Variants in SARDH observed in about 807,000 individuals in gnomAD.
SARDH encodes the protein sarcosine dehydrogenase, mitochondrial.
SARDH carries 95 observed loss-of-function variants against 109.1 expected under a neutral mutation model. The ratio of observed to expected loss-of-function variants is 0.87; its 90% CI spans 0.74 to 1.03. SARDH has a LOEUF of 1.03. Ranked by LOEUF, SARDH falls within the 50% of genes least tolerant of loss-of-function variation. SARDH has a pLI of 0.00. For missense variants in SARDH, 1,267 were observed against 1,287.8 expected, an observed-to-expected ratio of 0.98 and a Z score of 0.25; for synonymous variants, 572 against 534.8, an observed-to-expected ratio of 1.07 and a Z score of -0.96.
At chr9:133,697,600 T>C (rs977334066) in intron 13 of SARDH, among the ~76,000 whole-genome samples, 5 of 152,246 alleles carry the variant, frequency 3.3e-5, no homozygotes, top group African/African-American at 1.2e-4. Flanking sequence ...ATCCCAGGAA[T>C]ATGAGGTTGG....
At chr9:133,673,898 G>A (rs549670169) in intron 17 of SARDH, among the ~76,000 whole-genome samples, 1 of 152,324 alleles carries the variant, frequency 6.6e-6, no homozygotes, top group East Asian at 1.9e-4. Context: ...CGGGTGGAAG[G>A]GAGGGAGCAG....
chr9:133,673,047 C>T (rs1446151514), intron 17 of SARDH, among the ~76,000 whole-genome samples: 4 of 152,326 alleles, frequency 2.6e-5, no homozygotes, highest in South Asian at 2.1e-4. Flanking sequence ...TGGGCTGAGG[C>T]GGACACAGAG....
At position 133,717,366 on chromosome 9, in the gene SARDH, C is replaced by T. The variant is rs748578474; in HGVS notation, c.1110G>A (p.Val370=). Residue 370 remains valine (V), a synonymous_variant, in exon 8 of 21, where the codon GTG becomes GTA. Coordinates refer to ENST00000439388, the MANE Select transcript of SARDH (RefSeq NM_001134707.2). ...HIEGAINRVP[V]LEKTGIKSTV... ...TGGACTTGATTCCTGTCTTCTCCAG[C>T]ACGGGGACCCTGTTGATGGCGCCTT... 1 of 1,614,162 alleles carries T rather than the reference C, an allele frequency of 6.2e-7. No homozygotes were observed. Among genetic ancestry groups the T allele is most frequent in the Admixed American group, 1.7e-5 (1 of 60,016 alleles).
At chr9:133,679,521 G>A (rs554259258) in intron 17 of SARDH, among the ~76,000 whole-genome samples, 7 of 152,380 alleles carry the variant, frequency 4.6e-5, no homozygotes, top group East Asian at 3.9e-4. Context: ...GCTTCGCGGC[G>A]GGGCCCGTCC....
At chr9:133,662,416 C>T (rs915112900), downstream of SARDH, among the ~76,000 whole-genome samples, 1 of 152,130 alleles carries the variant, frequency 6.6e-6, no homozygotes. This position sits in a 1 kb window ranked among gnomAD's most constrained non-coding sequence, Gnocchi z 5.1. Context: ...GCCGGCTCCC[C>T]TCCTCTCCTC....
chr9:133,717,511 C>A, intron 7 of SARDH, 56 bp from the exon 8 acceptor site: 1 of 1,601,700 alleles, frequency 6.2e-7, no homozygotes, highest in Admixed American at 1.7e-5. Flanking sequence ...CCATGCATCC[C>A]CATGCCAAAC....
rs1301881819 is a variant in SARDH, at chr9:133,728,148, G to C, written c.915+1617C>G. Among the ~76,000 whole-genome samples the C allele has an allele frequency of 6.6e-6, 1 of 152,194 alleles. No individual in the cohort carries two copies. The highest frequency in any genetic ancestry group is 2.4e-5 in the African/African-American group (1 of 41,460). ...ATGGCACCAGCCACCTGCAGTGAGAGGCTCATTCTATGAACAAGAGGTCTT... is the reference window on the plus strand; with the variant it reads ...ATGGCACCAGCCACCTGCAGTGAGACGCTCATTCTATGAACAAGAGGTCTT... On this transcript the variant is annotated intron_variant, in intron 6 of 20. Transcript: ENST00000439388. This position sits in a 1 kb window ranked among gnomAD's most constrained non-coding sequence, Gnocchi z 5.0.
intron 15 of SARDH, among the ~76,000 whole-genome samples, chr9:133,691,748 G>A (rs1831104937): frequency 1.3e-5 from 2 of 152,266 alleles, no homozygotes; most frequent in East Asian, 1.9e-4. Flanking sequence ...TATTCAACAC[G>A]CGCATATTTA....
At chr9:133,699,221 C>T (rs1259809314) in intron 13 of SARDH, among the ~76,000 whole-genome samples, 2 of 152,044 alleles carry the variant, frequency 1.3e-5, no homozygotes, top group African/African-American at 2.4e-5. Flanking sequence ...TGGTGCATGC[C>T]TGTAATCCCA....
At chr9:133,710,866 C>T (rs937737487) in intron 10 of SARDH, among the ~76,000 whole-genome samples, 2 of 152,252 alleles carry the variant, frequency 1.3e-5, no homozygotes, top group East Asian at 3.8e-4. Context: ...ACGGCATTAG[C>T]CTGTGTGCCC....
chr9:133,721,016 A>T (rs1832306471), intron 6 of SARDH, among the ~76,000 whole-genome samples: 1 of 152,264 alleles, frequency 6.6e-6, no homozygotes, highest in South Asian at 2.1e-4. Context: ...GTGGAAAAAA[A>T]ATAAGAATAT....
At chr9:133,736,963 C>T (rs114079677) in intron 1 of SARDH, among the ~76,000 whole-genome samples, 67 of 152,372 alleles carry the variant, frequency 4.4e-4, no homozygotes, top group African/African-American at 1.6e-3. Context: ...CATTGAACAC[C>T]TATAGACACA....
At chr9:133,732,205 A>G (rs1832708668) in intron 3 of SARDH, among the ~76,000 whole-genome samples, 1 of 150,878 alleles carries the variant, frequency 6.6e-6, no homozygotes, top group South Asian at 2.1e-4. Context: ...CATGAGCCCC[A>G]CTCCCGACCC....
At chr9:133,727,460 C>A (rs768040753) in intron 6 of SARDH, among the ~76,000 whole-genome samples, 3 of 152,248 alleles carry the variant, frequency 2.0e-5, no homozygotes, top group Non-Finnish European at 4.4e-5. Flanking sequence ...GCCATGCGCC[C>A]AGGAGAGGGC....
rs1428149852 is a variant in SARDH, at chr9:133,708,157, G to A, written c.1470+130C>T. 12 of 1,077,892 alleles carry A rather than the reference G, an allele frequency of 1.1e-5. No homozygotes were observed. The African/African-American group carries it at 1.8e-4, about 16-fold the overall frequency. 66.8% of individuals were successfully genotyped at this position (1,077,892 alleles called of 1,614,324 possible). A position where few individuals can be genotyped will look rare whatever the true frequency, so the allele number is the denominator to read the frequency against. ...TGGGGGTGCCGGGTTACTACCTGGG[G>A]AATGACAGACACCTTGTCACCGCAC... On this transcript the variant is annotated intron_variant, in intron 11 of 20. Transcript: ENST00000439388.
chr9:133,681,170 G>A (rs129939), intron 17 of SARDH, among the ~76,000 whole-genome samples: 52,010 of 152,106 alleles, frequency 0.34, 8,958 homozygotes, highest in East Asian at 0.4. Flanking sequence ...TGCCACGGGG[G>A]CTGGGAGGTG....
chr9:133,730,315 T>G, intron 4 of SARDH, 128 bp from the exon 5 acceptor site: 2 of 1,247,674 alleles, frequency 1.6e-6, no homozygotes, highest in Non-Finnish European at 2.2e-6. Context: ...GCAGGTCCCC[T>G]GCGACACTGT....
At position 133,686,173 on chromosome 9, in the gene SARDH, G is replaced by A. The variant is rs954600191; in HGVS notation, c.2070-887C>T. Among the ~76,000 whole-genome samples, 10 of 152,036 alleles carry A rather than the reference G, an allele frequency of 6.6e-5. No homozygotes were observed. The highest frequency in any genetic ancestry group is 2.2e-4 in the African/African-American group (9 of 41,380). On this transcript the variant is annotated intron_variant, in intron 16 of 20. Coordinates refer to ENST00000439388, the MANE Select transcript of SARDH (RefSeq NM_001134707.2). This position sits in a 1 kb window ranked among gnomAD's most constrained non-coding sequence, Gnocchi z 4.0. ...GTCCACCCCTGCTTTTAAGCTCTGC[G>A]AGGGTGGGGATTCGCTCCCCACTTT...
At chr9:133,676,965 C>T (rs528724635) in intron 17 of SARDH, among the ~76,000 whole-genome samples, 1 of 152,124 alleles carries the variant, frequency 6.6e-6, no homozygotes, top group Admixed American at 6.5e-5. Flanking sequence ...ACAGCGAAAC[C>T]CCATCTCTAC....
Sources: allele counts gnomAD v4.1 joint callset (sites outside exome capture counted in the v4.1 genomes callset), GRCh38; gene constraint gnomAD v4.1.1; non-coding constraint Gnocchi (gnomAD v3.1); transcripts MANE v1.5; gene names NCBI Gene and HGNC (gene_info 2026-07-23, HGNC 2026-07-21).